POM121: variants seen among roughly 807,000 people sequenced by gnomAD.
The protein encoded by POM121 is nuclear envelope pore membrane protein POM 121.
In POM121, 32 loss-of-function variants were observed where a neutral mutation model predicts 81.3. That is an observed-to-expected ratio of 0.39 (90% CI 0.30 to 0.53). The LOEUF is 0.53. POM121 is among the 20% of genes least tolerant of loss of function. The probability of loss-of-function intolerance (pLI) is 0.66; values close to 1 mark genes in which losing one functional copy is unlikely to be tolerated. For synonymous variants in POM121, 514 were observed against 694.2 expected, an observed-to-expected ratio of 0.74 and a Z score of 4.08; for missense variants, 1,138 against 1,614.6, an observed-to-expected ratio of 0.70 and a Z score of 5.06.
intron 3 of POM121, among the ~76,000 whole-genome samples, chr7:72,901,238 A>G (rs1554492628): frequency 6.8e-6 from 1 of 146,294 alleles, no homozygotes; most frequent in Non-Finnish European, 1.5e-5. Context: ...TTTTTGAGAC[A>G]GGGTCTCACT....
In POM121 at chr7:72,926,889, C is replaced by G. The variant is rs781789475; in HGVS notation, c.948C>G (p.Leu316=). 6 of 1,613,914 alleles carry G rather than the reference C, an allele frequency of 3.7e-6. No individual in the cohort carries two copies. In the East Asian group the frequency reaches 1.3e-4, roughly 36 times the overall value. Residue 316 remains leucine (L), a synonymous_variant, in exon 3 of 13, where the codon CTC becomes CTG. Coordinates refer to ENST00000434423, the MANE Select transcript of POM121 (RefSeq NM_001387691.1). The stretch of plus-strand genomic sequence containing the variant: ...CAAAGGAGACAGTACTGAGTGCCCT[C>G]AAAGAGAAGGAGAAGAAAAGGACAG... The part of the protein sequence containing the change: ...PCAKETVLSA[L]KEKEKKRTVE...
At chr7:72,923,885 C>G (rs1411649276), upstream of POM121, among the ~76,000 whole-genome samples, 29 of 151,666 alleles carry the variant, frequency 1.9e-4, 1 homozygote. Context: ...CAGGCACGAG[C>G]CACCGCGCCT....
At chr7:72,912,572 C>A (rs552047896) in intron 3 of POM121, among the ~76,000 whole-genome samples, 1 of 152,004 alleles carries the variant, frequency 6.6e-6, no homozygotes, top group African/African-American at 2.4e-5. Context: ...GTCAGGAGAT[C>A]GAGACCATCC....
intron 5 of POM121, among the ~76,000 whole-genome samples, chr7:72,938,309 A>C (rs2429270): frequency 1.6e-4 from 24 of 150,882 alleles, no homozygotes; most frequent in African/African-American, 4.4e-4. Flanking sequence ...TCACTGCAGC[A>C]TCCTGAGTAG....
Position 72,943,122 on chromosome 7 carries a change from G to A in POM121, c.3129G>A (p.Thr1043=), listed in dbSNP as rs529651584. The stretch of plus-strand genomic sequence containing the variant: ...ACTCGGCGTTTGGGTTGAAAGCCAC[G>A]GCTTCGGCCTTCGGCGCTCCCGCCA... ...ATHSAFGLKA[T]ASAFGAPASS... is the part of the protein sequence containing the mutation. Residue 1043 remains threonine (T), a synonymous_variant, in exon 11 of 13, where the codon ACG becomes ACA. Transcript: ENST00000434423. The A allele has an allele frequency of 5.6e-5, 91 of 1,613,080 alleles. No homozygotes were observed. The Admixed American group carries it at 9.9e-4, about 17-fold the overall frequency.
At chr7:72,918,928 G>A (rs1229472506) in intron 4 of POM121, among the ~76,000 whole-genome samples, 1 of 152,088 alleles carries the variant, frequency 6.6e-6, no homozygotes, top group African/African-American at 2.4e-5. Context: ...CTCCCTAGTA[G>A]CTGGGATGAC....
At chr7:72,916,996 T>C (rs1554495185) in intron 4 of POM121, among the ~76,000 whole-genome samples, 3 of 152,330 alleles carry the variant, frequency 2.0e-5, no homozygotes, top group Admixed American at 6.5e-5. Context: ...TGTCTTGGCA[T>C]GATTTGTGAC....
intron 5 of POM121, among the ~76,000 whole-genome samples, chr7:72,935,264 C>A (rs1170473425): frequency 4.6e-5 from 7 of 151,936 alleles, no homozygotes; most frequent in Admixed American, 3.3e-4. Flanking sequence ...CCTTGAACTC[C>A]CAGGCTCAAG....
intron 3 of POM121, among the ~76,000 whole-genome samples, chr7:72,928,123 T>A (rs1795647514): frequency 6.6e-6 from 1 of 152,140 alleles, no homozygotes; most frequent in Non-Finnish European, 1.5e-5. Flanking sequence ...GGAGAATCGC[T>A]TGAACCCAGG....
At chr7:72,899,575 ATT>A (rs10709124) in intron 3 of POM121, among the ~76,000 whole-genome samples, 108 of 121,436 alleles carry the variant, frequency 8.9e-4, no homozygotes, top group African/African-American at 2.8e-3. Flanking sequence ...TTGATATTAC[ATT>A]TTTTTTTTTT....
upstream of POM121, chr7:72,924,507 A>G (rs1421983030): frequency 3.9e-5 from 6 of 152,208 alleles, no homozygotes; most frequent in African/African-American, 9.7e-5. Flanking sequence ...ATTTTAAACT[A>G]TCTTTATGGT....
At chr7:72,944,772 G>A (rs1256666671) in intron 11 of POM121, among the ~76,000 whole-genome samples, 3 of 151,986 alleles carry the variant, frequency 2.0e-5, no homozygotes, top group Non-Finnish European at 2.9e-5. Flanking sequence ...CAGTGTGGCT[G>A]CAGGAGTGGT....
At chr7:72,898,985 T>C (rs1383631118) in intron 3 of POM121, among the ~76,000 whole-genome samples, 21 of 126,136 alleles carry the variant, frequency 1.7e-4, no homozygotes, top group South Asian at 8.3e-4. Flanking sequence ...TTTTCTTTTT[T>C]TTTTTTTTTT....
chr7:72,924,639 G>A (rs1208722196), upstream of POM121: 3 of 160,654 alleles, frequency 1.9e-5, no homozygotes, highest in African/African-American at 7.2e-5. Flanking sequence ...ATAGGTATAA[G>A]TCGATCACAG....
exon 1 of POM121, chr7:72,879,591 C>A (rs1789926792): frequency 3.4e-6 from 1 of 295,754 alleles, no homozygotes; most frequent in Admixed American, 5.3e-5. Context: ...AGGGGCCAGG[C>A]GGGAGGTGGT....
At chr7:72,917,728 TGA>T (rs1186396572) in intron 4 of POM121, among the ~76,000 whole-genome samples, 1 of 152,096 alleles carries the variant, frequency 6.6e-6, no homozygotes, top group South Asian at 2.1e-4. Context: ...TGTGCAGCGA[TGA>T]GAGAGTGTAG....
rs376488007 is a variant in POM121, at chr7:72,945,756, G to T, written c.3652+48G>T. ...GCCCTGCTCATCTGTCTGAGGAGGG[G>T]TTGGGCGGGGTGGCAGGTTCCTGGT... On this transcript the variant is annotated intron_variant, in intron 12 of 12. Coordinates refer to ENST00000434423, the MANE Select transcript of POM121 (RefSeq NM_001387691.1). The T allele has an allele frequency of 3.2e-6, 5 of 1,577,168 alleles. No individual in the cohort carries two copies. The African/African-American group carries it at 4.1e-5, about 13-fold the overall frequency.
At chr7:72,887,800 C>G (rs1165678134) in intron 1 of POM121, among the ~76,000 whole-genome samples, 1 of 152,166 alleles carries the variant, frequency 6.6e-6, no homozygotes, top group Non-Finnish European at 1.5e-5. Flanking sequence ...GCACTCCAGC[C>G]TGGAAGACAA....
intron 3 of POM121, among the ~76,000 whole-genome samples, chr7:72,894,141 G>A (rs1283454559): frequency 2.0e-5 from 3 of 152,134 alleles, no homozygotes; most frequent in Non-Finnish European, 4.4e-5. Flanking sequence ...ACACGCGCCT[G>A]TAGTCCCAGA....
Sources: allele counts gnomAD v4.1 joint callset (sites outside exome capture counted in the v4.1 genomes callset), GRCh38; gene constraint gnomAD v4.1.1; transcripts MANE v1.5; gene names NCBI Gene and HGNC (gene_info 2026-07-23, HGNC 2026-07-21).